SMYD1: variants seen among roughly 807,000 people sequenced by gnomAD.
The protein encoded by SMYD1 is histone-lysine N-methyltransferase SMYD1.
In SMYD1, 49 loss-of-function variants were observed where a neutral mutation model predicts 54.0. The ratio of observed to expected loss-of-function variants is 0.91; its 90% CI spans 0.72 to 1.15. The LOEUF is 1.15. Ranked by LOEUF, SMYD1 falls within the 50% of genes most tolerant of loss-of-function variation. The pLI, the probability that SMYD1 is intolerant of heterozygous loss-of-function variation, is 0.00. For synonymous variants in SMYD1, 269 were observed against 234.2 expected (o/e 1.15, Z -1.36); for missense variants, 653 against 639.6 (o/e 1.02, Z -0.23).
chr2:88,076,366 C>T (rs1035838449), intron 1 of SMYD1, among the ~76,000 whole-genome samples: 1 of 152,194 alleles, frequency 6.6e-6, no homozygotes, highest in Non-Finnish European at 1.5e-5. Context: ...AGGCGCCCGC[C>T]ACCACGCCCA....
At position 88,106,293 on chromosome 2, in the gene SMYD1, T is replaced by C. The variant is rs760476711; in HGVS notation, c.982-32T>C. On this transcript the variant is annotated intron_variant, in intron 7 of 9. Transcript: ENST00000419482. ...GAATTAAACGTGTGCTCTGGTGCAA[T>C]GGTAATGGGCAGGGCCTCTGTCTCA... The C allele has an allele frequency of 5.0e-6, 8 of 1,608,658 alleles. No individual in the cohort carries two copies. The East Asian group carries it at 1.6e-4, about 31-fold the overall frequency.
rs1304871779 is a variant in SMYD1 at position 88,111,488 on chromosome 2, G to T, written c.*976G>T. 6.6e-6 allele frequency: 1 copy of T among 152,372 alleles called. No homozygotes were observed. Among genetic ancestry groups the T allele is most frequent in the Non-Finnish European group, 1.5e-5 (1 of 68,184 alleles). The allele number at this position is 152,372 out of a possible 1,614,324, so 9.4% of individuals were successfully genotyped here. On this transcript the variant is annotated 3_prime_UTR_variant, in exon 10 of 10. Transcript: ENST00000419482. ...TTATTTGGTTACATGTGCCTGGGTG[G>T]TCTTTACCAGCTTAGACTCTATCAT...
intron 1 of SMYD1, among the ~76,000 whole-genome samples, chr2:88,075,716 G>GT (rs1200553531): frequency 6.6e-6 from 1 of 151,510 alleles, no homozygotes; most frequent in Non-Finnish European, 1.5e-5. Flanking sequence ...TTTTATTTTT[G>GT]TTTTTTGTAG....
In SMYD1 at chr2:88,108,549, G is replaced by A. The variant is rs377684425; in HGVS notation, c.1314+10G>A. The A allele has an allele frequency of 1.5e-4, 234 of 1,568,992 alleles. No individual in the cohort carries two copies. The highest frequency in any genetic ancestry group is 1.8e-4 in the Non-Finnish European group (204 of 1,156,760). The stretch of plus-strand genomic sequence containing the variant: ...CACTAAGGACTTAGAGGCAAGTAGC[G>A]TCTTGAGGCTGGTGTTCCCTTCCTG... On this transcript the variant is annotated intron_variant, in intron 9 of 9. Coordinates refer to ENST00000419482, the MANE Select transcript of SMYD1 (RefSeq NM_198274.4).
intron 1 of SMYD1, 115 bp downstream of exon 1, chr2:88,068,116 T>A: frequency 7.2e-7 from 1 of 1,395,382 alleles, no homozygotes; most frequent in Non-Finnish European, 9.6e-7. Flanking sequence ...TGCTCTTTTT[T>A]CAACAAAATG....
At chr2:88,106,615 T>C in intron 8 of SMYD1, 127 bp downstream of exon 8, 1 of 980,782 alleles carries the variant, frequency 1.0e-6, no homozygotes. Flanking sequence ...TAATCCATCA[T>C]GGTTCTCTTT....
At chr2:88,086,157 T>A (rs1283773186) in intron 2 of SMYD1, among the ~76,000 whole-genome samples, 1 of 152,202 alleles carries the variant, frequency 6.6e-6, no homozygotes, top group Admixed American at 6.5e-5. Context: ...ATTCTGGCTG[T>A]GATATTAGTT....
At chr2:88,104,788 A>C (rs1264352771) in intron 7 of SMYD1, among the ~76,000 whole-genome samples, 2 of 152,212 alleles carry the variant, frequency 1.3e-5, no homozygotes, top group African/African-American at 4.8e-5. Flanking sequence ...AGAACAACAA[A>C]CACCTAAAAT....
intron 8 of SMYD1, among the ~76,000 whole-genome samples, 154 bp from the exon 9 acceptor site, chr2:88,108,217 T>G (rs1400268627): frequency 6.6e-6 from 1 of 152,230 alleles, no homozygotes; most frequent in Non-Finnish European, 1.5e-5. Flanking sequence ...CATATCTCTG[T>G]GCCTCAGTTC....
chr2:88,095,552 A>G (rs1356786616), intron 5 of SMYD1, among the ~76,000 whole-genome samples: 2 of 152,070 alleles, frequency 1.3e-5, no homozygotes, highest in African/African-American at 4.8e-5. Flanking sequence ...TGTCCAACTG[A>G]GCCTTTCTGG....
chr2:88,085,437 G>A (rs1176713480), intron 2 of SMYD1, among the ~76,000 whole-genome samples: 2 of 152,192 alleles, frequency 1.3e-5, no homozygotes, highest in East Asian at 3.9e-4. Context: ...GCACTGCAGA[G>A]CAAAGGAGAT....
At chr2:88,081,617 G>T (rs768431909) in intron 1 of SMYD1, among the ~76,000 whole-genome samples, 1 of 151,884 alleles carries the variant, frequency 6.6e-6, no homozygotes, top group Non-Finnish European at 1.5e-5. Context: ...TGTATTTTTA[G>T]TAGAGACAGG....
chr2:88,112,005 C>T lies in SMYD1; in HGVS notation c.*1493C>T. On this transcript the variant is annotated 3_prime_UTR_variant, in exon 10 of 10. Coordinates refer to ENST00000419482, the MANE Select transcript of SMYD1 (RefSeq NM_198274.4). ...ATGACCTGCTGTGTCCCTCTGAGCA[C>T]TACCCAGTGGCTGAAAACTCTGCAA... The T allele has an allele frequency of 1.4e-6, 1 of 701,576 alleles. No individual in the cohort carries two copies. The highest frequency in any genetic ancestry group is 2.6e-6 in the Non-Finnish European group (1 of 384,076). The allele number at this position is 701,576 out of a possible 1,614,324, so 43.5% of individuals were successfully genotyped here. A position where few individuals can be genotyped will look rare whatever the true frequency, so the allele number is the denominator to read the frequency against.
Position 88,101,476 on chromosome 2 carries a change from A to C in SMYD1, c.889-1582A>C, listed in dbSNP as rs114579338. 6.8e-3 allele frequency among the ~76,000 whole-genome samples: 1,030 copies of C among 152,374 alleles called. 12 individuals are homozygous for C. Among genetic ancestry groups the C allele is most frequent in the African/African-American group, 0.023 (955 of 41,586 alleles). The stretch of plus-strand genomic sequence containing the variant: ...TATGGTATAATTCCAGTTAGAAAAA[A>C]TAGTCAATCCTATAGGCACATACAC... On this transcript the variant is annotated intron_variant, in intron 6 of 9. Transcript: ENST00000419482.
At chr2:88,087,487 T>C (rs1674358203) in intron 2 of SMYD1, among the ~76,000 whole-genome samples, 1 of 152,180 alleles carries the variant, frequency 6.6e-6, no homozygotes, top group African/African-American at 2.4e-5. Context: ...TCAGGGCCTT[T>C]GTACTCACTG....
intron 1 of SMYD1, among the ~76,000 whole-genome samples, chr2:88,081,916 C>T (rs1674206880): frequency 2.0e-5 from 3 of 152,242 alleles, no homozygotes; most frequent in South Asian, 2.1e-4. Flanking sequence ...GATTTGGAGC[C>T]GTCTTGGAAT....
At chr2:88,087,329 C>T (rs1158688038) in intron 2 of SMYD1, among the ~76,000 whole-genome samples, 2 of 152,164 alleles carry the variant, frequency 1.3e-5, no homozygotes, top group Admixed American at 6.5e-5. Context: ...GAGACCCAGG[C>T]TGCCGCACCT....
chr2:88,077,699 A>C (rs1254907437), intron 1 of SMYD1, among the ~76,000 whole-genome samples: 1 of 150,784 alleles, frequency 6.6e-6, no homozygotes, highest in Non-Finnish European at 1.5e-5. Context: ...AGGGGCAGTA[A>C]GGCAGGGGAG....
At chr2:88,109,727 T>C (rs1674966516) in intron 9 of SMYD1, among the ~76,000 whole-genome samples, 6 of 152,082 alleles carry the variant, frequency 3.9e-5, no homozygotes, top group Admixed American at 3.9e-4. Context: ...ATGGAAATAA[T>C]ATATTAGCCC....
Sources: allele counts gnomAD v4.1 joint callset (sites outside exome capture counted in the v4.1 genomes callset), GRCh38; gene constraint gnomAD v4.1.1; transcripts MANE v1.5; gene names NCBI Gene and HGNC (gene_info 2026-07-23, HGNC 2026-07-21).